HACD4: variants seen among roughly 807,000 people sequenced by gnomAD.
HACD4 encodes the protein very-long-chain (3R)-3-hydroxyacyl-CoA dehydratase 4.
A neutral mutation model predicts 33.3 loss-of-function variants in HACD4; 35 were observed. The ratio of observed to expected loss-of-function variants is 1.05; its 90% CI spans 0.80 to 1.39. The LOEUF (loss-of-function observed/expected upper bound fraction) is 1.39, where lower values mean the gene tolerates loss of function less well. Ranked by LOEUF, HACD4 falls within the 40% of genes most tolerant of loss-of-function variation. HACD4 has a pLI of 0.00. For missense variants in HACD4, 323 were observed against 276.5 expected (o/e 1.17, Z -1.19); for synonymous variants, 118 against 98.0 (o/e 1.20, Z -1.21).
chr9:21,025,001 A>C (rs1303896987), intron 3 of HACD4, among the ~76,000 whole-genome samples: 1 of 152,162 alleles, frequency 6.6e-6, no homozygotes, highest in Admixed American at 6.5e-5. Context: ...CCACATTGTA[A>C]ATAAGTAATA....
chr9:21,018,221 G>C (rs962690521), intron 3 of HACD4, among the ~76,000 whole-genome samples: 2 of 152,248 alleles, frequency 1.3e-5, no homozygotes, highest in African/African-American at 4.8e-5. Context: ...TGTTTACCTT[G>C]TGCCAGGTTC....
rs1471988683 is a variant in HACD4, at chr9:21,004,633, C to T, written c.*2404G>A. ...TCATCAGGAACTTAATTGTCTAGCA[C>T]CTTTATCTTGGACTTCCCTGCCTCC... On this transcript the variant is annotated 3_prime_UTR_variant, in exon 7 of 7. Transcript: ENST00000495827. This position sits in a 1 kb window ranked among gnomAD's most constrained non-coding sequence, Gnocchi z 4.6. The T allele has an allele frequency of 6.5e-6, 1 of 152,788 alleles. No homozygotes were observed. Among genetic ancestry groups the T allele is most frequent in the African/African-American group, 2.4e-5 (1 of 41,444 alleles). The allele number at this position is 152,788 out of a possible 1,614,324, so 9.5% of individuals were successfully genotyped here.
rs907230047 is a variant in HACD4 at position 20,999,556 on chromosome 9, C to CAATT, written c.*7477_*7480dup. The CAATT allele has an allele frequency of 6.6e-6, 1 of 150,490 alleles. No individual in the cohort carries two copies. The highest frequency in any genetic ancestry group is 6.6e-5 in the Admixed American group (1 of 15,142). 9.3% of individuals were successfully genotyped at this position (150,490 alleles called of 1,614,324 possible). On this transcript the variant is annotated 3_prime_UTR_variant, in exon 7 of 7. Transcript: ENST00000495827. ...AAGTTTATTAAGAAATTGTTCTTAACAATTAAAATATTCTAGAAGTAGCAT... is the reference window on the plus strand; with the variant it reads ...AAGTTTATTAAGAAATTGTTCTTAACAATTAATTAAAATATTCTAGAAGTAGCAT...
intron 3 of HACD4, 78 bp downstream of exon 3, chr9:21,026,518 A>G (rs1347345252): frequency 1.6e-6 from 2 of 1,241,852 alleles, no homozygotes; most frequent in Non-Finnish European, 2.3e-6. Flanking sequence ...TCTAACTGCC[A>G]TAAAGTCAAG....
At position 21,001,841 on chromosome 9, in the gene HACD4, C is replaced by T. The variant is rs1350954618; in HGVS notation, c.*5196G>A. The T allele has an allele frequency of 6.6e-6, 1 of 152,078 alleles. No homozygotes were observed. The highest frequency in any genetic ancestry group is 1.5e-5 in the Non-Finnish European group (1 of 67,966). 9.4% of individuals were successfully genotyped at this position (152,078 alleles called of 1,614,324 possible). A position where few individuals can be genotyped will look rare whatever the true frequency, so the allele number is the denominator to read the frequency against. On this transcript the variant is annotated 3_prime_UTR_variant, in exon 7 of 7. Coordinates refer to ENST00000495827, the MANE Select transcript of HACD4 (RefSeq NM_001010915.5). ...AAACAAAAGCTGAGAAAGTATGTTACCACTAGACCTGCCCCTGCCAGAAAT... is the reference window on the plus strand; with the variant it reads ...AAACAAAAGCTGAGAAAGTATGTTATCACTAGACCTGCCCCTGCCAGAAAT...
chr9:21,009,420 C>A (rs1025498258), intron 5 of HACD4, among the ~76,000 whole-genome samples: 1 of 152,052 alleles, frequency 6.6e-6, no homozygotes, highest in African/African-American at 2.4e-5. Flanking sequence ...CTAGAAAAGA[C>A]AAGGATTAGA....
chr9:21,030,440 C>G (rs1415980967), intron 1 of HACD4, among the ~76,000 whole-genome samples: 2 of 151,780 alleles, frequency 1.3e-5, no homozygotes, highest in Non-Finnish European at 2.9e-5. Context: ...AAACTCTGTT[C>G]TCAAAAATAA....
chr9:21,023,793 T>C (rs1817992624), intron 3 of HACD4, among the ~76,000 whole-genome samples: 2 of 152,180 alleles, frequency 1.3e-5, no homozygotes. Flanking sequence ...GCCAGGATGG[T>C]CTCGATCTCT....
chr9:21,012,715 T>G (rs1036643792), intron 4 of HACD4, among the ~76,000 whole-genome samples: 2 of 152,214 alleles, frequency 1.3e-5, no homozygotes, highest in Non-Finnish European at 2.9e-5. Context: ...AAAAATGGTA[T>G]CTCATCTTTT....
At chr9:21,012,277 A>G (rs796828570) in intron 4 of HACD4, among the ~76,000 whole-genome samples, 6 of 152,206 alleles carry the variant, frequency 3.9e-5, no homozygotes, top group South Asian at 2.1e-4. Flanking sequence ...GCTTGAGCAT[A>G]TATCAGAATC....
chr9:21,026,560 A>C, intron 3 of HACD4, 36 bp downstream of exon 3: 1 of 1,546,484 alleles, frequency 6.5e-7, no homozygotes, highest in Non-Finnish European at 8.8e-7. Context: ...TGTAAAAATG[A>C]AACAGATTCT....
chr9:21,027,292 C>G (rs1010083918), intron 2 of HACD4, among the ~76,000 whole-genome samples: 8 of 152,078 alleles, frequency 5.3e-5, no homozygotes, highest in African/African-American at 1.9e-4. Context: ...CTGATCAGGA[C>G]TTTTGGGGTT....
chr9:21,018,511 T>C (rs1817819793), intron 3 of HACD4, among the ~76,000 whole-genome samples: 1 of 152,178 alleles, frequency 6.6e-6, no homozygotes, highest in Non-Finnish European at 1.5e-5. Flanking sequence ...AACAAGAGCC[T>C]CCTTGATTTT....
chr9:21,012,901 C>T (rs7048450), intron 4 of HACD4, among the ~76,000 whole-genome samples: 149,158 of 152,172 alleles, frequency 0.98, 73,199 homozygotes, highest in Non-Finnish European at 1. Flanking sequence ...ACCCCATCTA[C>T]ACTAAAAATA....
At chr9:21,015,750 A>C in intron 4 of HACD4, 148 bp downstream of exon 4, 1 of 535,704 alleles carries the variant, frequency 1.9e-6, no homozygotes, top group South Asian at 2.7e-5. Flanking sequence ...GAGAACACTA[A>C]AAATACATTT....
intron 2 of HACD4, among the ~76,000 whole-genome samples, chr9:21,027,920 T>C (rs1043744795): frequency 6.6e-6 from 1 of 152,030 alleles, no homozygotes; most frequent in Admixed American, 6.6e-5. Flanking sequence ...GGATCACCTT[T>C]GGTCAGGAGT....
chr9:21,022,398 C>T (rs1466452663), intron 3 of HACD4, among the ~76,000 whole-genome samples: 1 of 152,138 alleles, frequency 6.6e-6, no homozygotes, highest in South Asian at 2.1e-4. Context: ...AACTAAAAAG[C>T]TCCGGTACAG....
intron 3 of HACD4, 39 bp from the exon 4 acceptor site, chr9:21,016,049 A>T: frequency 7.2e-7 from 1 of 1,384,672 alleles, no homozygotes; most frequent in Non-Finnish European, 1.0e-6. Context: ...TAGGACATCT[A>T]TTAGGCTATG....
intron 1 of HACD4, among the ~76,000 whole-genome samples, chr9:21,029,998 G>T (rs1186263165): frequency 6.6e-6 from 1 of 152,136 alleles, no homozygotes; most frequent in Non-Finnish European, 1.5e-5. Flanking sequence ...AAAAAATTGT[G>T]AGTCATGGAC....
Sources: gnomAD v4.1 joint callset for allele counts (sites outside exome capture counted in the v4.1 genomes callset) on GRCh38, gnomAD v4.1.1 for gene constraint, Gnocchi (gnomAD v3.1) non-coding constraint, MANE v1.5 for transcripts, NCBI Gene and HGNC (gene_info 2026-07-23, HGNC 2026-07-21) for gene names.